RRM2: variants seen among roughly 807,000 people sequenced by gnomAD.
RRM2 encodes ribonucleotide reductase regulatory subunit M2, also known as ribonucleoside-diphosphate reductase subunit M2.
In RRM2, 6 loss-of-function variants were observed where a neutral mutation model predicts 45.9. The ratio of observed to expected loss-of-function variants is 0.13; its 90% CI spans 0.07 to 0.26. The LOEUF is 0.26. RRM2 is among the 10% of genes least tolerant of loss of function. The pLI, the probability that RRM2 is intolerant of heterozygous loss-of-function variation, is 1.00. For synonymous variants in RRM2, 177 were observed against 173.0 expected (o/e 1.02, Z -0.18); for missense variants, 343 against 489.5 (o/e 0.70, Z 2.82).
rs562321767 is a variant in RRM2 at position 10,190,039 on chromosome 2, T to A, written n.483-20272T>A. Among the ~76,000 whole-genome samples the A allele has an allele frequency of 5.4e-4, 82 of 151,692 alleles. 1 individual carries two copies. In the East Asian group the frequency reaches 0.013, roughly 24 times the overall value. Reference sequence around the variant, plus strand: ...GTGATGATGGTGGTGATGGTGGTGATGGTGGTATTGGTGGTGATGGTGGTG... The same window carrying A: ...GTGATGATGGTGGTGATGGTGGTGAAGGTGGTATTGGTGGTGATGGTGGTG... On this transcript the variant is annotated intron_variant and non_coding_transcript_variant, in intron 3 of 3. Transcript: ENST00000381786.
rs1037524039 is a variant in RRM2 at position 10,123,129 on chromosome 2, C to T, written c.174+72C>T. 7 of 1,479,480 alleles carry T rather than the reference C, an allele frequency of 4.7e-6. No homozygotes were observed. The African/African-American group carries it at 7.0e-5, about 15-fold the overall frequency. 91.6% of individuals were successfully genotyped at this position (1,479,480 alleles called of 1,614,324 possible). On this transcript the variant is annotated intron_variant, in intron 2 of 9. Coordinates refer to ENST00000304567, the MANE Select transcript of RRM2 (RefSeq NM_001034.4). ...TCTTGGCGCCAAAGCCGCATTGTTT[C>T]CTCAGCTGTTCACACTCCCGCCCCG...
chr2:10,140,505 G>C (rs899603908), upstream of RRM2, among the ~76,000 whole-genome samples: 2 of 152,192 alleles, frequency 1.3e-5, no homozygotes, highest in Non-Finnish European at 2.9e-5. Context: ...TAGTGGACCT[G>C]ATGGGAAAGT....
At chr2:10,186,641 T>TG (rs1664173618) in intron 3 of RRM2, among the ~76,000 whole-genome samples, 2 of 152,194 alleles carry the variant, frequency 1.3e-5, no homozygotes, top group Non-Finnish European at 1.5e-5. Context: ...ATCTGCTGAA[T>TG]GGGTCTCATA....
intron 3 of RRM2, among the ~76,000 whole-genome samples, chr2:10,166,052 C>G (rs78150330): frequency 0.025 from 3,865 of 152,256 alleles, 175 homozygotes; most frequent in African/African-American, 0.088. Context: ...CTTGCTGGGT[C>G]GTCACAGGGG....
At position 10,184,091 on chromosome 2, in the gene RRM2, TAAAAAAAAAAAAAAA is replaced by T. The variant is rs60421650; in HGVS notation, n.483-26205_483-26191del. ...CTGGGTGACAGAGCGAGACTCCATC[TAAAAAAAAAAAAAAA>T]AAAAAAAAAAAAAAGCAAAAAAGCA... On this transcript the variant is annotated intron_variant and non_coding_transcript_variant, in intron 3 of 3. Coordinates refer to the RRM2 transcript ENST00000381786. 8.4e-3 allele frequency among the ~76,000 whole-genome samples: 257 copies of T among 30,690 alleles called. 2 individuals are homozygous for T. The highest frequency in any genetic ancestry group is 0.015 in the African/African-American group (95 of 6,262). 20.1% of individuals were successfully genotyped at this position (30,690 alleles called of 152,430 possible). A position where few individuals can be genotyped will look rare whatever the true frequency, so the allele number is the denominator to read the frequency against.
chr2:10,182,856 A>G (rs13429539), intron 3 of RRM2, among the ~76,000 whole-genome samples: 31,937 of 152,000 alleles, frequency 0.21, 3,690 homozygotes, highest in East Asian at 0.51. Flanking sequence ...AAGGAAATAA[A>G]TGGCCACTCA....
exon 2 of RRM2, chr2:10,141,866 C>A: frequency 6.4e-7 from 1 of 1,561,614 alleles, no homozygotes; most frequent in East Asian, 2.4e-5. Flanking sequence ...GCTGGGAGAC[C>A]GTGAAGTGCA....
At chr2:10,150,445 C>CA (rs564823462) in intron 3 of RRM2, among the ~76,000 whole-genome samples, 3,576 of 84,318 alleles carry the variant, frequency 0.042, 91 homozygotes, top group African/African-American at 0.095. Context: ...GACTCTGCCT[C>CA]AAAAAAAAAA....
chr2:10,153,673 T>A (rs943786373), intron 3 of RRM2, among the ~76,000 whole-genome samples: 14 of 152,218 alleles, frequency 9.2e-5, no homozygotes, highest in African/African-American at 3.4e-4. Flanking sequence ...TCACAGCGAT[T>A]CTCTGCTCCC....
chr2:10,143,879 G>T (rs1663137025), intron 3 of RRM2, among the ~76,000 whole-genome samples: 1 of 152,196 alleles, frequency 6.6e-6, no homozygotes, highest in Non-Finnish European at 1.5e-5. Context: ...TGTTGGCCAG[G>T]ATGGTCTCGA....
At chr2:10,128,391 T>G (rs1662827242) in intron 7 of RRM2, among the ~76,000 whole-genome samples, 1 of 152,246 alleles carries the variant, frequency 6.6e-6, no homozygotes, top group Non-Finnish European at 1.5e-5. Context: ...GATTGGGAGA[T>G]AAGCTGTGAA....
intron 3 of RRM2, among the ~76,000 whole-genome samples, chr2:10,175,035 T>G (rs909676942): frequency 6.6e-6 from 1 of 152,242 alleles, no homozygotes; most frequent in South Asian, 2.1e-4. Context: ...CGTCCTTCTA[T>G]TCCTTAATCT....
upstream of RRM2, among the ~76,000 whole-genome samples, chr2:10,139,267 C>T (rs1248409033): frequency 1.3e-5 from 2 of 152,218 alleles, no homozygotes; most frequent in African/African-American, 2.4e-5. Context: ...CACTGAGCCA[C>T]TTTCTCTGGT....
At chr2:10,184,091 TAAAAAAAAAAAAA>T (rs60421650) in intron 3 of RRM2, among the ~76,000 whole-genome samples, 98 of 30,694 alleles carry the variant, frequency 3.2e-3, no homozygotes, top group East Asian at 0.016. Context: ...AGACTCCATC[TAAAAAAAAAAAAA>T]AAAAAAAAAA....
chr2:10,166,829 G>C (rs756400198), intron 3 of RRM2, among the ~76,000 whole-genome samples: 1 of 152,256 alleles, frequency 6.6e-6, no homozygotes, highest in Non-Finnish European at 1.5e-5. Context: ...ACAAGCATGA[G>C]CGTGTCTAGA....
At position 10,127,114 on chromosome 2, in the gene RRM2, T is replaced by A; in HGVS notation, c.692T>A (p.Val231Glu). ...GAACGTGTTGTAGCCTTTGCTGCAG[T>A]GGAAGGCATTTTCTTTTCCGGTTCT... ...YGERVVAFAA[V>E]EGIFFSGSFA... The change falls in exon 7 of 10, where the codon GTG becomes GAG. Residue 231 changes from valine (V) to glutamate (E), a missense_variant. Physicochemically the swap from Val to Glu is moderately radical, Grantham distance 121 (BLOSUM62 -2). This residue lies in a region of RRM2 where 212 missense variants were observed against 368.1 expected (regional missense o/e 0.58). Transcript: ENST00000304567. The surrounding 1 kb of genome is among the most constrained non-coding windows in gnomAD (Gnocchi z 4.1). The A allele has an allele frequency of 6.2e-7, 1 of 1,614,236 alleles. No homozygotes were observed. The highest frequency in any genetic ancestry group is 8.5e-7 in the Non-Finnish European group (1 of 1,180,034).
At chr2:10,154,691 C>CTT (rs70948874) in intron 3 of RRM2, among the ~76,000 whole-genome samples, 2,731 of 95,696 alleles carry the variant, frequency 0.029, 182 homozygotes, top group African/African-American at 0.064. Context: ...AGTCCTGATT[C>CTT]TTTTTTTTTT....
intron 3 of RRM2, among the ~76,000 whole-genome samples, chr2:10,160,114 C>T (rs998508058): frequency 3.9e-5 from 6 of 152,144 alleles, no homozygotes; most frequent in South Asian, 4.1e-4. Context: ...TATGGGCTGC[C>T]GTCTTCTGCT....
chr2:10,132,147 C>T (rs748327927), downstream of RRM2, among the ~76,000 whole-genome samples: 14 of 152,212 alleles, frequency 9.2e-5, no homozygotes, highest in South Asian at 6.2e-4. Flanking sequence ...CATCCCCAAA[C>T]GAACCAATCA....
Sources: allele counts gnomAD v4.1 joint callset (sites outside exome capture counted in the v4.1 genomes callset), GRCh38; gene constraint gnomAD v4.1.1; regional missense constraint gnomAD v4.1.1; non-coding constraint Gnocchi (gnomAD v3.1); transcripts MANE v1.5; gene names NCBI Gene and HGNC (gene_info 2026-07-23, HGNC 2026-07-21).